The following UBE3D variants were observed in gnomAD, a reference collection of about 807,000 sequenced individuals.
UBE3D encodes E3 ubiquitin-protein ligase E3D.
In UBE3D, 48 loss-of-function variants were observed where a neutral mutation model predicts 49.6. The observed-to-expected ratio is 0.97, with a 90% confidence interval of 0.77 to 1.23. UBE3D has a LOEUF of 1.23. Among genes scored for constraint, UBE3D ranks in the 50% most tolerant of loss-of-function variants. UBE3D has a pLI of 0.00. For synonymous variants in UBE3D, 189 were observed against 174.2 expected, an observed-to-expected ratio of 1.08 and a Z score of -0.67; for missense variants, 452 against 468.4, an observed-to-expected ratio of 0.96 and a Z score of 0.32.
rs1456394814 is a variant in UBE3D, at chr6:82,892,699, TTAGGTAATAACCTTCCAGG to T, written c.*304_*322del. 120 of 366,274 alleles carry T rather than the reference TTAGGTAATAACCTTCCAGG, an allele frequency of 3.3e-4. No individual in the cohort carries two copies. The highest frequency in any genetic ancestry group is 1.5e-3 in the Admixed American group (37 of 24,638). The allele number at this position is 366,274 out of a possible 1,614,324, so 22.7% of individuals were successfully genotyped here. A position where few individuals can be genotyped will look rare whatever the true frequency, so the allele number is the denominator to read the frequency against. On this transcript the variant is annotated 3_prime_UTR_variant, in exon 10 of 10. Transcript: ENST00000369747. ...TCCACACAGGACAGATGGATCTCCATTAGGTAATAACCTTCCAGGTGGTGCTGACACTGCACATATGTGA... is the reference window on the plus strand; with the variant it reads ...TCCACACAGGACAGATGGATCTCCATTGGTGCTGACACTGCACATATGTGA...
In UBE3D at chr6:82,942,296, G is replaced by A. The variant is rs1265281175; in HGVS notation, c.1149+15016C>T. On this transcript the variant is annotated intron_variant, in intron 9 of 9. Coordinates refer to ENST00000369747, the MANE Select transcript of UBE3D (RefSeq NM_198920.3). ...ACTTTGAGAGATATGTTCTGAAATT[G>A]GAACTTATATTTAAAGGGGAAGCAG... Among the ~76,000 whole-genome samples, 7 of 152,120 alleles carry A rather than the reference G, an allele frequency of 4.6e-5. No homozygotes were observed. In the East Asian group the frequency reaches 1.3e-3, roughly 29 times the overall value.
chr6:82,963,257 T>G (rs1381528187), intron 8 of UBE3D, among the ~76,000 whole-genome samples: 1 of 151,500 alleles, frequency 6.6e-6, no homozygotes, highest in African/African-American at 2.4e-5. Context: ...AGAAATGGCT[T>G]GGCATACTGA....
At chr6:82,967,720 C>A (rs1777052598) in intron 8 of UBE3D, among the ~76,000 whole-genome samples, 1 of 151,916 alleles carries the variant, frequency 6.6e-6, no homozygotes, top group African/African-American at 2.4e-5. Flanking sequence ...TAGCTCACTG[C>A]AGTTTTGAAT....
chr6:82,943,953 C>T (rs566023065), intron 9 of UBE3D, among the ~76,000 whole-genome samples: 17 of 152,224 alleles, frequency 1.1e-4, no homozygotes, highest in East Asian at 7.8e-4. Context: ...AGAAGGGAAT[C>T]GCCCATCCCA....
chr6:83,065,797 G>T lies in UBE3D; in HGVS notation c.-79C>A. 7.0e-7 allele frequency: 1 copy of T among 1,425,660 alleles called. No homozygotes were observed. The highest frequency in any genetic ancestry group is 9.6e-7 in the Non-Finnish European group (1 of 1,037,786). The allele number at this position is 1,425,660 out of a possible 1,614,324, so 88.3% of individuals were successfully genotyped here. On this transcript the variant is annotated 5_prime_UTR_variant, in exon 1 of 10. Transcript: ENST00000369747. ...TCAACAGGACCAGGAGAGGTTCCAC[G>T]TGCGGACCAACCAGCGGCAGCCCCG... is the stretch of plus-strand genomic sequence containing the variant.
chr6:83,042,847 G>A (rs1015719877), intron 4 of UBE3D, among the ~76,000 whole-genome samples: 1 of 152,220 alleles, frequency 6.6e-6, no homozygotes, highest in Non-Finnish European at 1.5e-5. Flanking sequence ...GCACAGAACA[G>A]CCTTGTTCCC....
chr6:83,043,925 C>T (rs1325445270), intron 4 of UBE3D, among the ~76,000 whole-genome samples: 2 of 152,188 alleles, frequency 1.3e-5, no homozygotes, highest in Non-Finnish European at 2.9e-5. Context: ...AACTCAGACC[C>T]TGAAACACAA....
At chr6:82,960,345 C>G (rs1193049369) in intron 8 of UBE3D, among the ~76,000 whole-genome samples, 1 of 151,982 alleles carries the variant, frequency 6.6e-6, no homozygotes, top group Non-Finnish European at 1.5e-5. Context: ...ATAATTCAAA[C>G]TTAATGCTAG....
intron 1 of UBE3D, among the ~76,000 whole-genome samples, chr6:83,058,917 GTTCAAT>G (rs1183652779): frequency 1.3e-5 from 2 of 152,184 alleles, no homozygotes; most frequent in African/African-American, 4.8e-5. Flanking sequence ...TGAGTCAAAA[GTTCAAT>G]TTCAAGAAAT....
intron 8 of UBE3D, among the ~76,000 whole-genome samples, chr6:82,966,843 T>C (rs1776973500): frequency 6.6e-6 from 1 of 152,220 alleles, no homozygotes; most frequent in Admixed American, 6.5e-5. Context: ...GATTTAATTA[T>C]GTAACAGTGA....
chr6:83,024,085 T>G, intron 5 of UBE3D, 47 bp from the exon 6 acceptor site: 1 of 1,089,368 alleles, frequency 9.2e-7, no homozygotes, highest in African/African-American at 1.6e-5. Context: ...ACACTAATAA[T>G]TTTATTGTGG....
chr6:83,024,606 C>T (rs1037169115), intron 5 of UBE3D, among the ~76,000 whole-genome samples: 1 of 152,078 alleles, frequency 6.6e-6, no homozygotes, highest in African/African-American at 2.4e-5. Flanking sequence ...ATCCACTGGA[C>T]CCACCGTGAG....
intron 7 of UBE3D, among the ~76,000 whole-genome samples, chr6:83,021,663 G>A (rs181143623): frequency 1.9e-3 from 282 of 151,718 alleles, no homozygotes; most frequent in Middle Eastern, 6.8e-3. Flanking sequence ...TCAGGAGATC[G>A]AGACCATCCT....
intron 9 of UBE3D, among the ~76,000 whole-genome samples, chr6:82,938,885 A>C (rs915068155): frequency 2.6e-5 from 4 of 152,096 alleles, no homozygotes; most frequent in Admixed American, 2.6e-4. Context: ...ACTGACATTT[A>C]AGAACTAGCA....
intron 8 of UBE3D, among the ~76,000 whole-genome samples, chr6:82,986,909 A>G (rs1778557265): frequency 1.3e-5 from 2 of 151,170 alleles, no homozygotes. Flanking sequence ...ATAGCTTTCA[A>G]AAAGCCTGCC....
intron 5 of UBE3D, among the ~76,000 whole-genome samples, chr6:83,027,358 C>T (rs979041712): frequency 4.7e-4 from 67 of 142,322 alleles, no homozygotes; most frequent in African/African-American, 1.7e-3. Flanking sequence ...ATCGCTTGAA[C>T]CCAGGAGGCG....
At chr6:83,008,700 C>T (rs1048410345) in intron 8 of UBE3D, among the ~76,000 whole-genome samples, 1 of 152,104 alleles carries the variant, frequency 6.6e-6, no homozygotes, top group African/African-American at 2.4e-5. Context: ...AAGTTCTAGC[C>T]AATTGGACTA....
At chr6:82,898,101 G>C (rs1212955461) in intron 9 of UBE3D, among the ~76,000 whole-genome samples, 1 of 151,956 alleles carries the variant, frequency 6.6e-6, no homozygotes, top group Non-Finnish European at 1.5e-5. Flanking sequence ...CTGGTCATTA[G>C]AGAAATGCAA....
intron 8 of UBE3D, among the ~76,000 whole-genome samples, chr6:83,012,270 C>T (rs1278836279): frequency 1.3e-5 from 2 of 152,182 alleles, no homozygotes; most frequent in African/African-American, 2.4e-5. Context: ...TGAGGACAAA[C>T]CTCTGCCCTT....
Sources: allele counts gnomAD v4.1 joint callset (sites outside exome capture counted in the v4.1 genomes callset), GRCh38; gene constraint gnomAD v4.1.1; transcripts MANE v1.5; gene names NCBI Gene and HGNC (gene_info 2026-07-23, HGNC 2026-07-21).